TRIO: variants seen among roughly 807,000 people sequenced by gnomAD.
The protein encoded by TRIO is triple functional domain protein.
A neutral mutation model predicts 351.9 loss-of-function variants in TRIO; 58 were observed. That is an observed-to-expected ratio of 0.16 (90% confidence interval 0.13 to 0.21). TRIO has a LOEUF of 0.21. Ranked by LOEUF, TRIO falls within the 10% of genes least tolerant of loss-of-function variation. The pLI, the probability that TRIO is intolerant of heterozygous loss-of-function variation, is 1.00. For missense variants in TRIO, 3,201 were observed against 4,027.8 expected (o/e 0.79, Z 5.56); for synonymous variants, 1,758 against 1,595.7 (o/e 1.10, Z -2.42).
chr5:14,337,067 C>T (rs999521521), intron 11 of TRIO, among the ~76,000 whole-genome samples: 2 of 152,194 alleles, frequency 1.3e-5, no homozygotes, highest in African/African-American at 4.8e-5. Context: ...GAACCTGTCA[C>T]ATGGCTGCCA....
At position 14,321,866 on chromosome 5, in the gene TRIO, T is replaced by C. The variant is rs184733100; in HGVS notation, c.1731+5123T>C. ...AATCTGATGGTTTTATAAATGGGAG[T>C]TCCCCTACACAAGCTCTCTTGCCTG... On this transcript the variant is annotated intron_variant, in intron 9 of 56. Coordinates refer to ENST00000344204, the MANE Select transcript of TRIO (RefSeq NM_007118.4). Among the ~76,000 whole-genome samples the C allele has an allele frequency of 2.3e-4, 35 of 151,740 alleles. No individual in the cohort carries two copies. In the East Asian group the frequency reaches 6.6e-3, roughly 29 times the overall value.
At chr5:14,238,838 C>T (rs1340715792) in intron 1 of TRIO, among the ~76,000 whole-genome samples, 1 of 152,138 alleles carries the variant, frequency 6.6e-6, no homozygotes, top group Non-Finnish European at 1.5e-5. Context: ...TGATTTACAT[C>T]CCACATCTTT....
chr5:14,242,200 G>A (rs1794167640), intron 1 of TRIO, among the ~76,000 whole-genome samples: 1 of 152,250 alleles, frequency 6.6e-6, no homozygotes, highest in South Asian at 2.1e-4. Context: ...TGTGCTCTTA[G>A]CCTCTGGACT....
At chr5:14,256,427 C>T (rs1046511866) in intron 1 of TRIO, among the ~76,000 whole-genome samples, 2 of 152,138 alleles carry the variant, frequency 1.3e-5, no homozygotes, top group Admixed American at 6.5e-5. Flanking sequence ...TGCAGAAAGT[C>T]CGCATAGTGG....
At chr5:14,476,337 C>T (rs1038450129) in intron 40 of TRIO, among the ~76,000 whole-genome samples, 3 of 152,228 alleles carry the variant, frequency 2.0e-5, no homozygotes, top group African/African-American at 7.2e-5. Context: ...GGAAGGTCAC[C>T]AGCCAAGGGA....
chr5:14,390,168 T>C, intron 25 of TRIO, 63 bp from the exon 26 acceptor site: 1 of 1,480,236 alleles, frequency 6.8e-7, no homozygotes, highest in South Asian at 1.2e-5. Context: ...GTTTCTGGCA[T>C]ATCTCACTAG....
At chr5:14,321,692 T>C (rs1263635414) in intron 9 of TRIO, among the ~76,000 whole-genome samples, 1 of 152,178 alleles carries the variant, frequency 6.6e-6, no homozygotes, top group Non-Finnish European at 1.5e-5. Flanking sequence ...ACGCCTGATA[T>C]GGTTTGGCTG....
chr5:14,169,045 G>C (rs894393360), intron 1 of TRIO, among the ~76,000 whole-genome samples: 1 of 152,116 alleles, frequency 6.6e-6, no homozygotes. Context: ...ACTGCTGTTT[G>C]ATTTTTGCTT....
At position 14,398,777 on chromosome 5, in the gene TRIO, G is replaced by A. The variant is rs143361841; in HGVS notation, c.4424-103G>A. ...GGGAAACTCTTATCTAGGGTTGGCC[G>A]ATGGGCATTTTTAAAATTGTTGAAA... On this transcript the variant is annotated intron_variant, in intron 29 of 56. Transcript: ENST00000344204. The A allele has an allele frequency of 3.3e-5, 37 of 1,136,340 alleles. No homozygotes were observed. The African/African-American group carries it at 4.4e-4, about 14-fold the overall frequency. 70.4% of individuals were successfully genotyped at this position (1,136,340 alleles called of 1,614,324 possible). A position where few individuals can be genotyped will look rare whatever the true frequency, so the allele number is the denominator to read the frequency against.
chr5:14,504,334 C>T, intron 54 of TRIO, 59 bp from the exon 55 acceptor site: 1 of 1,582,800 alleles, frequency 6.3e-7, no homozygotes, highest in South Asian at 1.1e-5. Flanking sequence ...ATAACAGAGT[C>T]TTTCTCGGTG....
At chr5:14,482,860 C>T (rs1755636503) in intron 46 of TRIO, 87 bp downstream of exon 46, 2 of 1,234,910 alleles carry the variant, frequency 1.6e-6, no homozygotes, top group Non-Finnish European at 2.2e-6. Flanking sequence ...ATGACATACC[C>T]TGATGCTTCG....
chr5:14,310,707 G>A (rs1262136731), intron 8 of TRIO, among the ~76,000 whole-genome samples: 2 of 152,196 alleles, frequency 1.3e-5, no homozygotes, highest in African/African-American at 2.4e-5. Context: ...TTTTGGCAGA[G>A]TGGAGTCTTC....
intron 8 of TRIO, among the ~76,000 whole-genome samples, chr5:14,310,236 A>T (rs954361578): frequency 1.3e-5 from 2 of 152,210 alleles, no homozygotes; most frequent in African/African-American, 4.8e-5. Flanking sequence ...TATAAAAATG[A>T]TTTTCATCTC....
At chr5:14,442,311 G>A (rs931910986) in intron 34 of TRIO, among the ~76,000 whole-genome samples, 2 of 152,158 alleles carry the variant, frequency 1.3e-5, no homozygotes, top group East Asian at 1.9e-4. Flanking sequence ...GAGACTTAAC[G>A]GGGCACTTCC....
At chr5:14,171,445 T>C (rs1030974877) in intron 1 of TRIO, among the ~76,000 whole-genome samples, 8 of 152,178 alleles carry the variant, frequency 5.3e-5, no homozygotes, top group African/African-American at 1.9e-4. Context: ...TAACTAAACT[T>C]TATAACATTT....
At chr5:14,415,153 AG>A (rs1749536109) in intron 33 of TRIO, among the ~76,000 whole-genome samples, 1 of 152,124 alleles carries the variant, frequency 6.6e-6, no homozygotes, top group South Asian at 2.1e-4. Flanking sequence ...TTTGTTCTTT[AG>A]GGGAAAATGG....
At chr5:14,441,930 A>G (rs1414319896) in intron 34 of TRIO, among the ~76,000 whole-genome samples, 1 of 152,212 alleles carries the variant, frequency 6.6e-6, no homozygotes, top group Non-Finnish European at 1.5e-5. Context: ...AACTAGGGAA[A>G]AGACGTGAAG....
At chr5:14,388,326 C>T (rs1232455876) in intron 23 of TRIO, among the ~76,000 whole-genome samples, 4 of 152,148 alleles carry the variant, frequency 2.6e-5, no homozygotes, top group African/African-American at 7.2e-5. Flanking sequence ...TGAGCACTCT[C>T]CAGTGCAGAG....
intron 33 of TRIO, among the ~76,000 whole-genome samples, chr5:14,410,284 G>T (rs184933793): frequency 2.6e-4 from 40 of 152,208 alleles, no homozygotes; most frequent in South Asian, 4.1e-4. Context: ...CTGCGTTTGT[G>T]TGTGCTCTGC....
Sources: allele counts gnomAD v4.1 joint callset (sites outside exome capture counted in the v4.1 genomes callset), GRCh38; gene constraint gnomAD v4.1.1; transcripts MANE v1.5; gene names NCBI Gene and HGNC (gene_info 2026-07-23, HGNC 2026-07-21).